GFM1: variants seen among roughly 807,000 people sequenced by gnomAD.
GFM1 encodes the protein G elongation factor mitochondrial 1.
Under a neutral mutation model 96.2 loss-of-function variants are expected in GFM1, and 62 were observed. That is an observed-to-expected ratio of 0.64 (90% confidence interval 0.53 to 0.80). GFM1 has a LOEUF of 0.80. GFM1 is among the 30% of genes least tolerant of loss of function. The pLI, the probability that GFM1 is intolerant of heterozygous loss-of-function variation, is 0.00. For missense variants in GFM1, 852 were observed against 916.6 expected (o/e 0.93, Z 0.91); for synonymous variants, 282 against 312.9 (o/e 0.90, Z 1.04).
chr3:158,644,750 T>C, intron 1 of GFM1, 35 bp downstream of exon 1: 1 of 1,523,838 alleles, frequency 6.6e-7, no homozygotes, highest in South Asian at 1.2e-5. Context: ...TCGGGACCAT[T>C]CCCGGAACCT....
At chr3:158,676,911 G>T (rs892784326) in intron 13 of GFM1, among the ~76,000 whole-genome samples, 2 of 152,042 alleles carry the variant, frequency 1.3e-5, no homozygotes, top group Non-Finnish European at 2.9e-5. Flanking sequence ...TATTGGCCAG[G>T]CTGGTCTCGA....
At chr3:158,646,701 C>A in intron 3 of GFM1, 42 bp from the exon 4 acceptor site, 1 of 1,523,694 alleles carries the variant, frequency 6.6e-7, no homozygotes, top group Non-Finnish European at 9.0e-7. Flanking sequence ...ATTAAAAATT[C>A]AGATTGCTCT....
rs966605914 is a variant in GFM1 at position 158,690,698 on chromosome 3, G to A, written c.2070+375G>A. ...TTTATCCCTCTTAATTACCTTGCCT[G>A]TACCTTTCTTGACTTAAATCTCAAG... On this transcript the variant is annotated intron_variant, in intron 16 of 17. Transcript: ENST00000486715. The A allele has an allele frequency of 3.7e-5, 12 of 325,284 alleles. No homozygotes were observed. The Admixed American group carries it at 3.9e-4, about 10-fold the overall frequency. 20.1% of individuals were successfully genotyped at this position (325,284 alleles called of 1,614,324 possible).
chr3:158,644,757 A>G, intron 1 of GFM1, 42 bp downstream of exon 1: 1 of 1,502,946 alleles, frequency 6.7e-7, no homozygotes, highest in Non-Finnish European at 9.1e-7. Context: ...CATTCCCGGA[A>G]CCTTGTGATC....
chr3:158,650,163 C>T, intron 5 of GFM1: 4 of 982,674 alleles, frequency 4.1e-6, no homozygotes, highest in Non-Finnish European at 6.2e-6. Context: ...TAAGGTGTTT[C>T]TCTCACTTTT....
intron 13 of GFM1, chr3:158,668,948 C>A: frequency 6.9e-7 from 1 of 1,453,990 alleles, no homozygotes; most frequent in South Asian, 1.2e-5. Flanking sequence ...ACAATACTTT[C>A]GATAAATATT....
At chr3:158,650,469 A>G (rs926406219) in intron 5 of GFM1, 1 of 187,040 alleles carries the variant, frequency 5.3e-6, no homozygotes, top group Middle Eastern at 2.5e-3. Context: ...CAGATGCAGC[A>G]TCTTAATGTA....
chr3:158,674,815 A>G lies in GFM1; in HGVS notation c.1602-7180A>G, dbSNP rs572420728. ...TCCTGTTTCTCATTTTCTTTCATTA[A>G]AAATTTGAAAGATGATTCATGAGAC... On this transcript the variant is annotated intron_variant, in intron 13 of 17. Transcript: ENST00000486715. 2.6e-5 allele frequency among the ~76,000 whole-genome samples: 4 copies of G among 152,312 alleles called. No homozygotes were observed. The East Asian group carries it at 7.7e-4, about 29-fold the overall frequency.
At chr3:158,689,321 C>A (rs893538129) in intron 15 of GFM1, among the ~76,000 whole-genome samples, 1 of 152,078 alleles carries the variant, frequency 6.6e-6, no homozygotes, top group African/African-American at 2.4e-5. Flanking sequence ...GAGACCTGGA[C>A]AAATTGTGTT....
intron 14 of GFM1, among the ~76,000 whole-genome samples, chr3:158,683,926 C>T (rs1725615545): frequency 6.6e-6 from 1 of 152,122 alleles, no homozygotes; most frequent in Non-Finnish European, 1.5e-5. Flanking sequence ...GTACTATTTA[C>T]AATAGCAAAG....
intron 13 of GFM1, among the ~76,000 whole-genome samples, chr3:158,681,759 A>G (rs1175961728): frequency 6.6e-6 from 1 of 152,118 alleles, no homozygotes; most frequent in African/African-American, 2.4e-5. Context: ...TTACTTTTTT[A>G]TTTGTGAAAT....
At chr3:158,656,707 T>C (rs946431862) in intron 8 of GFM1, 1 of 152,270 alleles carries the variant, frequency 6.6e-6, no homozygotes, top group African/African-American at 2.4e-5. Flanking sequence ...CTTATTTATC[T>C]ATTTGGACAA....
At chr3:158,663,294 A>T (rs1215684639) in intron 11 of GFM1, among the ~76,000 whole-genome samples, 1 of 152,202 alleles carries the variant, frequency 6.6e-6, no homozygotes, top group African/African-American at 2.4e-5. Context: ...AATTAGTCTG[A>T]TCTCAAACCA....
In GFM1 at chr3:158,647,981, T is replaced by C. The variant is rs191987233; in HGVS notation, c.572+1034T>C. Among the ~76,000 whole-genome samples the C allele has an allele frequency of 7.2e-5, 11 of 152,290 alleles. No individual in the cohort carries two copies. In the East Asian group the frequency reaches 1.7e-3, roughly 24 times the overall value. On this transcript the variant is annotated intron_variant, in intron 4 of 17. Transcript: ENST00000486715. ...TTTCTGTCTCCTTCTCATTTTGGAT[T>C]GGGCTTATGAGAGAAATCTTGGGGT...
intron 5 of GFM1, chr3:158,650,176 T>C: frequency 1.2e-6 from 1 of 848,672 alleles, no homozygotes; most frequent in Admixed American, 2.0e-5. Flanking sequence ...TCACTTTTTA[T>C]GTAACAACTG....
At chr3:158,661,967 GTAT>G (rs1171035231) in intron 10 of GFM1, among the ~76,000 whole-genome samples, 1 of 152,126 alleles carries the variant, frequency 6.6e-6, no homozygotes, top group East Asian at 1.9e-4. Flanking sequence ...TGTTTTCTAA[GTAT>G]TATTGATAAG....
At chr3:158,673,225 T>G (rs1724534733) in intron 13 of GFM1, among the ~76,000 whole-genome samples, 2 of 152,228 alleles carry the variant, frequency 1.3e-5, no homozygotes, top group African/African-American at 2.4e-5. Flanking sequence ...CCTTTACTAA[T>G]CTTAAAATGA....
At position 158,684,706 on chromosome 3, in the gene GFM1, C is replaced by A. The variant is rs773145753; in HGVS notation, c.1909+38C>A. 1.9e-6 allele frequency: 3 copies of A among 1,609,368 alleles called. No homozygotes were observed. The African/African-American group carries it at 4.0e-5, about 22-fold the overall frequency. Reference sequence around the variant, plus strand: ...CGGGCACCTTAGCCTGTCTGTTTTCCTGATAGATCATCATAGCCTCAGAAG... The same window carrying A: ...CGGGCACCTTAGCCTGTCTGTTTTCATGATAGATCATCATAGCCTCAGAAG... On this transcript the variant is annotated intron_variant, in intron 15 of 17. Coordinates refer to ENST00000486715, the MANE Select transcript of GFM1 (RefSeq NM_024996.7).
intron 15 of GFM1, among the ~76,000 whole-genome samples, chr3:158,687,507 G>T (rs753084158): frequency 1.2e-4 from 18 of 151,752 alleles, no homozygotes; most frequent in Admixed American, 7.2e-4. Flanking sequence ...TCACTCTGTT[G>T]CCCAGGCTGG....
Sources: allele counts gnomAD v4.1 joint callset (sites outside exome capture counted in the v4.1 genomes callset), GRCh38; gene constraint gnomAD v4.1.1; transcripts MANE v1.5; gene names NCBI Gene and HGNC (gene_info 2026-07-23, HGNC 2026-07-21).